AATK: variants seen among roughly 807,000 people sequenced by gnomAD.
The protein encoded by AATK is serine/threonine-protein kinase LMTK1.
In AATK, 91 loss-of-function variants were observed where a neutral mutation model predicts 114.3. That is an observed-to-expected ratio of 0.80 (90% CI 0.67 to 0.95). AATK has a LOEUF of 0.95. Ranked by LOEUF, AATK falls within the 40% of genes least tolerant of loss-of-function variation. The pLI, the probability that AATK is intolerant of heterozygous loss-of-function variation, is 0.00. For missense variants in AATK, 2,176 were observed against 1,965.2 expected, an observed-to-expected ratio of 1.11 and a Z score of -2.03; for synonymous variants, 1,075 against 916.5, an observed-to-expected ratio of 1.17 and a Z score of -3.12.
At chr17:81,137,085 C>T (rs2061021924) in intron 1 of AATK, among the ~76,000 whole-genome samples, 1 of 152,038 alleles carries the variant, frequency 6.6e-6, no homozygotes, top group Non-Finnish European at 1.5e-5. Flanking sequence ...CAGCGAAACC[C>T]CATCTCTACT....
chr17:81,129,693 T>C (rs1474379823), intron 3 of AATK, among the ~76,000 whole-genome samples: 2 of 152,132 alleles, frequency 1.3e-5, no homozygotes, highest in African/African-American at 4.8e-5. Flanking sequence ...GAGGTGGCTC[T>C]GAGAATCTTC....
At chr17:81,137,407 C>T (rs1280689606) in intron 1 of AATK, among the ~76,000 whole-genome samples, 1 of 152,096 alleles carries the variant, frequency 6.6e-6, no homozygotes, top group African/African-American at 2.4e-5. Flanking sequence ...AGGGGGGGTT[C>T]CCACAGTCTC....
chr17:81,161,560 G>A (rs1457014544), intron 1 of AATK, among the ~76,000 whole-genome samples: 2 of 152,202 alleles, frequency 1.3e-5, no homozygotes, highest in Admixed American at 6.5e-5. Context: ...CCAGGCGGCC[G>A]GGGTGGTGGG....
Position 81,120,479 on chromosome 17 carries a change from C to A in AATK, c.3457G>T (p.Ala1153Ser), listed in dbSNP as rs764382577. The A allele has an allele frequency of 2.6e-6, 4 of 1,523,270 alleles. No homozygotes were observed. The Admixed American group carries it at 6.2e-5, about 24-fold the overall frequency. 94.4% of individuals were successfully genotyped at this position (1,523,270 alleles called of 1,614,324 possible). A position where few individuals can be genotyped will look rare whatever the true frequency, so the allele number is the denominator to read the frequency against. ...LRLALPGLPA[A>S]LEGRPEEEEE... Reference sequence around the variant, plus strand: ...TCCTCCTCCGGCCGGCCCTCCAAGGCCGCAGGGAGGCCGGGCAGAGCCAGG... The same window carrying A: ...TCCTCCTCCGGCCGGCCCTCCAAGGACGCAGGGAGGCCGGGCAGAGCCAGG... Residue 1153 changes from alanine to serine, a missense_variant, in exon 11 of 14, where the codon GCC (alanine) becomes TCC (serine). By Grantham distance (99) the Ala-to-Ser change is moderately conservative. This residue lies in a region of AATK where 1,701 missense variants were observed against 1,394.7 expected (regional missense o/e 1.22). Coordinates refer to ENST00000326724, the MANE Select transcript of AATK (RefSeq NM_001080395.3).
At chr17:81,135,633 G>T (rs1329444661) in intron 1 of AATK, 1 of 152,316 alleles carries the variant, frequency 6.6e-6, no homozygotes, top group Non-Finnish European at 1.5e-5. Context: ...GCTGCCCGAG[G>T]TGGCACAGCT....
chr17:81,143,360 A>G (rs1037552604), intron 1 of AATK, among the ~76,000 whole-genome samples: 5 of 152,188 alleles, frequency 3.3e-5, no homozygotes, highest in African/African-American at 1.2e-4. Flanking sequence ...ACTGCAGCAC[A>G]GGGTGGCCCT....
chr17:81,123,900 A>G (rs898017519), intron 9 of AATK, among the ~76,000 whole-genome samples: 12 of 152,284 alleles, frequency 7.9e-5, no homozygotes, highest in African/African-American at 2.9e-4. Flanking sequence ...GGCTGTCCCA[A>G]GAGGCTGCAG....
chr17:81,126,116 G>T lies in AATK; in HGVS notation c.755+311C>A, dbSNP rs527924555. Among the ~76,000 whole-genome samples, 1 of 152,198 alleles carries T rather than the reference G, an allele frequency of 6.6e-6. No homozygotes were observed. The highest frequency in any genetic ancestry group is 2.4e-5 in the African/African-American group (1 of 41,460). The stretch of plus-strand genomic sequence containing the variant: ...GTCTGTCTCCCTCAAGCCCCAAAGC[G>T]AGGGCTTAGCAGAGTGTGGGGTTGG... On this transcript the variant is annotated intron_variant, in intron 7 of 13. Transcript: ENST00000326724. This position sits in a 1 kb window ranked among gnomAD's most constrained non-coding sequence, Gnocchi z 5.1.
At chr17:81,142,742 G>A (rs1377420637) in intron 1 of AATK, among the ~76,000 whole-genome samples, 3 of 152,124 alleles carry the variant, frequency 2.0e-5, no homozygotes, top group Admixed American at 1.3e-4. Context: ...CTTCTCACCT[G>A]TGAGCCTCCC....
In AATK at chr17:81,127,870, T is replaced by C. The variant is rs773555876; in HGVS notation, c.455A>G (p.Gln152Arg). 3.9e-5 allele frequency: 60 copies of C among 1,549,088 alleles called. 2 individuals carry two copies. In the South Asian group the frequency reaches 6.8e-4, roughly 18 times the overall value. The change falls in exon 5 of 14, where the codon CAG (glutamine) becomes CGG (arginine). Residue 152 changes from glutamine to arginine, a missense_variant. Physicochemically the swap from Gln to Arg is conservative, Grantham distance 43. Around this residue, in one of 4 missense-constraint regions of AATK, gnomAD observed 24 missense variants for 50.9 expected, o/e 0.47. Coordinates refer to ENST00000326724, the MANE Select transcript of AATK (RefSeq NM_001080395.3). Reference protein sequence around the residue: ...GEVNSGISSAQVVVKELQASA... With the variant: ...GEVNSGISSARVVVKELQASA... Reference sequence around the variant, plus strand: ...AGCCTGCAGCTCCTTCACCACCACCTGGGCACTGCTGATGCCAGAGTTCAC... The same window carrying C: ...AGCCTGCAGCTCCTTCACCACCACCCGGGCACTGCTGATGCCAGAGTTCAC...
chr17:81,138,854 AAC>A (rs759967844), intron 1 of AATK, among the ~76,000 whole-genome samples: 14 of 149,766 alleles, frequency 9.3e-5, no homozygotes, highest in East Asian at 2.0e-4. Flanking sequence ...GCGTGCAGAT[AAC>A]ACGCACACAT....
chr17:81,141,906 T>C (rs1598951997), intron 1 of AATK, among the ~76,000 whole-genome samples: 1 of 149,928 alleles, frequency 6.7e-6, no homozygotes, highest in South Asian at 2.1e-4. Context: ...TTTTTCTCTC[T>C]CTTTCTCCCT....
At chr17:81,145,401 A>T (rs537330774) in intron 1 of AATK, among the ~76,000 whole-genome samples, 1 of 152,156 alleles carries the variant, frequency 6.6e-6, no homozygotes, top group Non-Finnish European at 1.5e-5. Context: ...AATGGAAGGG[A>T]TCGCAAAAGA....
chr17:81,158,808 C>T (rs1048669736), intron 1 of AATK, among the ~76,000 whole-genome samples: 2 of 152,230 alleles, frequency 1.3e-5, no homozygotes, highest in African/African-American at 4.8e-5. Context: ...AAAACAGCAG[C>T]CAGCACTGGC....
chr17:81,134,648 TCA>T, intron 1 of AATK, 147 bp from the exon 2 acceptor site: 1 of 1,069,812 alleles, frequency 9.3e-7, no homozygotes, highest in Non-Finnish European at 1.3e-6. Flanking sequence ...ACCCCACACC[TCA>T]CAGTGTGGCG....
chr17:81,122,425 T>C lies in AATK; in HGVS notation c.1511A>G (p.Glu504Gly), dbSNP rs1428422460. 2.1e-6 allele frequency: 3 copies of C among 1,457,906 alleles called. No individual in the cohort carries two copies. The highest frequency in any genetic ancestry group is 2.6e-5 in the South Asian group (2 of 77,816). 90.3% of individuals were successfully genotyped at this position (1,457,906 alleles called of 1,614,324 possible). ...LSPGRTARLQELCAPDGAPPG... is the reference protein window; with the variant it reads ...LSPGRTARLQGLCAPDGAPPG... The stretch of plus-strand genomic sequence containing the variant: ...GGGCGCGCCGTCGGGGGCGCACAGC[T>C]CCTGCAGGCGTGCGGTGCGGCCAGG... Residue 504 changes from glutamate to glycine, a missense_variant, in exon 11 of 14, where the codon GAG (glutamate) becomes GGG (glycine). By Grantham distance (98) the Glu-to-Gly change is moderately conservative (BLOSUM62 -2). This residue lies in a region of AATK where 1,701 missense variants were observed against 1,394.7 expected (regional missense o/e 1.22). Coordinates refer to ENST00000326724, the MANE Select transcript of AATK (RefSeq NM_001080395.3).
At chr17:81,134,289 G>A in intron 2 of AATK, 79 bp downstream of exon 2, 1 of 1,558,136 alleles carries the variant, frequency 6.4e-7, no homozygotes. Context: ...CCAGGAAGGA[G>A]GGAAGCTCAG....
At chr17:81,137,645 G>T (rs1232336315) in intron 1 of AATK, among the ~76,000 whole-genome samples, 4 of 152,104 alleles carry the variant, frequency 2.6e-5, no homozygotes, top group Non-Finnish European at 5.9e-5. Context: ...GACACTTGTT[G>T]TAACAATCCA....
At chr17:81,131,445 T>C (rs1017985359) in intron 2 of AATK, among the ~76,000 whole-genome samples, 1 of 152,142 alleles carries the variant, frequency 6.6e-6, no homozygotes, top group Non-Finnish European at 1.5e-5. Flanking sequence ...AGTTGTTCCA[T>C]GAGGGGCCAG....
Sources: gnomAD v4.1 joint callset for allele counts (sites outside exome capture counted in the v4.1 genomes callset) on GRCh38, gnomAD v4.1.1 for gene constraint, gnomAD v4.1.1 regional missense constraint, Gnocchi (gnomAD v3.1) non-coding constraint, MANE v1.5 for transcripts, NCBI Gene and HGNC (gene_info 2026-07-23, HGNC 2026-07-21) for gene names.